NXPE4: variants seen among roughly 807,000 people sequenced by gnomAD.
The protein encoded by NXPE4 is NXPE family member 4.
Under a neutral mutation model 33.3 loss-of-function variants are expected in NXPE4, and 42 were observed. That is an observed-to-expected ratio of 1.26 (90% confidence interval 0.98 to 1.63). The LOEUF (loss-of-function observed/expected upper bound fraction) is 1.63. NXPE4 is among the 40% of genes most tolerant of loss of function. NXPE4 has a pLI of 0.00. For synonymous variants in NXPE4, 253 were observed against 234.9 expected (o/e 1.08, Z -0.71); for missense variants, 709 against 647.6 (o/e 1.09, Z -1.03).
At chr11:114,657,196 C>T in the NXPE4 span, among the ~76,000 whole-genome samples, 2 of 152,300 alleles carry the variant, frequency 1.3e-5, no homozygotes, top group East Asian at 3.9e-4. Context: ...ACATGGAATT[C>T]CCCTGATGCC....
chr11:114,585,573 A>G, intron 2 of NXPE4, among the ~76,000 whole-genome samples: 1 of 152,176 alleles, frequency 6.6e-6, no homozygotes, highest in East Asian at 1.9e-4. Flanking sequence ...ATTCATCAAG[A>G]GAAAATGACA....
the NXPE4 span, among the ~76,000 whole-genome samples, chr11:114,646,850 T>C: frequency 6.6e-6 from 1 of 152,158 alleles, no homozygotes; most frequent in Non-Finnish European, 1.5e-5. Flanking sequence ...TTCTCAATGT[T>C]TATCCAAAAA....
chr11:114,580,168 G>A lies in NXPE4; in HGVS notation c.1063C>T (p.Arg355Cys), dbSNP rs201579260. The change falls in exon 5 of 6, where the codon CGC (arginine) becomes TGC (cysteine). Residue 355 changes from arginine to cysteine, a missense_variant. Transcript: ENST00000375478. ...LIYLMGDSTIRQWMEYFKASI... is the reference protein window; with the variant it reads ...LIYLMGDSTICQWMEYFKASI... The stretch of plus-strand genomic sequence containing the variant: ...GCTTTGAAGTATTCCATCCACTGGC[G>A]GATCGTGGAATCTCCCATTAGGTAT... 23 of 1,613,936 alleles carry A rather than the reference G, an allele frequency of 1.4e-5. No individual in the cohort carries two copies. The Middle Eastern group carries it at 6.6e-4, about 46-fold the overall frequency.
chr11:114,649,637 C>T, the NXPE4 span, among the ~76,000 whole-genome samples: 9 of 152,170 alleles, frequency 5.9e-5, no homozygotes, highest in African/African-American at 2.2e-4. Context: ...TAATACACCC[C>T]TATGAAATAT....
chr11:114,632,906 AATATT>A, the NXPE4 span, among the ~76,000 whole-genome samples: 47 of 89,184 alleles, frequency 5.3e-4, no homozygotes, highest in African/African-American at 2.2e-3. Context: ...TATGTAATAC[AATATT>A]ATATTTTATA....
the NXPE4 span, among the ~76,000 whole-genome samples, chr11:114,674,820 G>A: frequency 2.0e-5 from 3 of 151,702 alleles, no homozygotes; most frequent in Non-Finnish European, 4.4e-5. Flanking sequence ...GCATTGTCCC[G>A]ATATCAAAGC....
the NXPE4 span, among the ~76,000 whole-genome samples, chr11:114,631,798 A>C: frequency 1.3e-5 from 2 of 151,550 alleles, no homozygotes; most frequent in Non-Finnish European, 2.9e-5. Flanking sequence ...ACTGTTACCC[A>C]GTGGATAATA....
the NXPE4 span, among the ~76,000 whole-genome samples, chr11:114,610,801 C>A: frequency 6.6e-6 from 1 of 151,910 alleles, no homozygotes; most frequent in Non-Finnish European, 1.5e-5. Flanking sequence ...ATAAGTATTG[C>A]CTCTAGGGTT....
the NXPE4 span, among the ~76,000 whole-genome samples, chr11:114,647,830 T>A: frequency 1.1e-4 from 17 of 152,010 alleles, no homozygotes; most frequent in Non-Finnish European, 2.2e-4. Flanking sequence ...GCCTTCTAAG[T>A]AGCTAAGATT....
chr11:114,618,495 C>T, the NXPE4 span, among the ~76,000 whole-genome samples: 22 of 151,998 alleles, frequency 1.4e-4, no homozygotes, highest in African/African-American at 3.6e-4. Context: ...AGTGTTGCCT[C>T]GTAGGTAACC....
the NXPE4 span, among the ~76,000 whole-genome samples, chr11:114,634,560 T>C: frequency 3.9e-5 from 6 of 151,958 alleles, no homozygotes; most frequent in African/African-American, 1.4e-4. Context: ...CTGAATGGTA[T>C]TGCCTAGGTT....
At chr11:114,615,981 G>T in the NXPE4 span, among the ~76,000 whole-genome samples, 21 of 150,780 alleles carry the variant, frequency 1.4e-4, no homozygotes, top group South Asian at 4.4e-3. Flanking sequence ...GTATTCTCTC[G>T]TGGAAAAGCA....
the NXPE4 span, among the ~76,000 whole-genome samples, chr11:114,610,079 C>G: frequency 2.6e-5 from 4 of 151,924 alleles, no homozygotes; most frequent in African/African-American, 9.6e-5. Context: ...TGGGTAACCA[C>G]TGTTAACTGG....
chr11:114,583,708 T>C (rs574051263), intron 2 of NXPE4: 2 of 566,662 alleles, frequency 3.5e-6, no homozygotes, highest in Admixed American at 1.9e-5. Context: ...GCTTCTGTTA[T>C]GTTAATGATA....
the NXPE4 span, among the ~76,000 whole-genome samples, chr11:114,676,140 G>A: frequency 1.3e-5 from 2 of 151,818 alleles, no homozygotes; most frequent in Non-Finnish European, 1.5e-5. Flanking sequence ...ACCTGAAACT[G>A]TAAAACTGCT....
chr11:114,620,469 G>A, the NXPE4 span, among the ~76,000 whole-genome samples: 1 of 152,106 alleles, frequency 6.6e-6, no homozygotes, highest in Non-Finnish European at 1.5e-5. Flanking sequence ...TGCCTCTAGG[G>A]TAACCACTGT....
the NXPE4 span, among the ~76,000 whole-genome samples, chr11:114,632,109 T>C: frequency 9.0e-5 from 13 of 144,578 alleles, no homozygotes; most frequent in South Asian, 2.7e-3. Context: ...ATGTAATATA[T>C]AAATTATATA....
the NXPE4 span, among the ~76,000 whole-genome samples, chr11:114,605,073 G>GGGA: frequency 6.0e-4 from 91 of 151,424 alleles, no homozygotes; most frequent in African/African-American, 2.1e-3. Context: ...GTTACCCAGT[G>GGGA]GATAATAAAT....
At chr11:114,604,186 C>G in the NXPE4 span, among the ~76,000 whole-genome samples, 1 of 152,074 alleles carries the variant, frequency 6.6e-6, no homozygotes. Context: ...CTACTGTTAC[C>G]TGGTGGATAA....
Sources: gnomAD v4.1 joint callset for allele counts (sites outside exome capture counted in the v4.1 genomes callset) on GRCh38, gnomAD v4.1.1 for gene constraint, MANE v1.5 for transcripts, NCBI Gene and HGNC (gene_info 2026-07-23, HGNC 2026-07-21) for gene names.